Variants in MRPS27 observed in about 807,000 individuals in gnomAD.
MRPS27 encodes the protein small ribosomal subunit protein mS27.
In MRPS27, 43 loss-of-function variants were observed where a neutral mutation model predicts 48.9. The observed-to-expected ratio is 0.88, with a 90% confidence interval of 0.69 to 1.13. MRPS27 has a LOEUF of 1.13. Ranked by LOEUF, MRPS27 falls within the 50% of genes most tolerant of loss-of-function variation. MRPS27 has a pLI of 0.00. For missense variants in MRPS27, 467 were observed against 476.3 expected (o/e 0.98, Z 0.18); for synonymous variants, 188 against 171.9 (o/e 1.09, Z -0.73).
At chr5:72,287,675 A>T (rs1048235581) in intron 4 of MRPS27, among the ~76,000 whole-genome samples, 3 of 152,216 alleles carry the variant, frequency 2.0e-5, no homozygotes, top group Non-Finnish European at 4.4e-5. Flanking sequence ...TTGACAAAAG[A>T]TTCGAACACT....
chr5:72,293,993 C>A (rs1237327199), intron 4 of MRPS27, among the ~76,000 whole-genome samples: 2 of 152,074 alleles, frequency 1.3e-5, no homozygotes, highest in African/African-American at 4.8e-5. Flanking sequence ...TTATCTTTAT[C>A]CTAATGAAGT....
intron 4 of MRPS27, among the ~76,000 whole-genome samples, chr5:72,249,200 T>A (rs913318378): frequency 6.6e-6 from 1 of 152,196 alleles, no homozygotes; most frequent in African/African-American, 2.4e-5. Context: ...AGAGAATAGT[T>A]CTACTTCTAT....
chr5:72,223,702 T>C lies in MRPS27; in HGVS notation c.986A>G (p.Gln329Arg), dbSNP rs1161147125. ...IEETEQSKLP[Q>R]YLERFKALHS... ...ATTCACCTTAAATCGTTCCAGGTATTGAGGAAGCTTGGACTGCTCTGTTTC... is the reference window on the plus strand; with the variant it reads ...ATTCACCTTAAATCGTTCCAGGTATCGAGGAAGCTTGGACTGCTCTGTTTC... Residue 329 changes from glutamine to arginine, a missense_variant, in exon 10 of 11, where the codon CAA becomes CGA. Physicochemically the swap from Gln to Arg is conservative, Grantham distance 43. Transcript: ENST00000261413. 3 of 1,613,922 alleles carry C rather than the reference T, an allele frequency of 1.9e-6. No individual in the cohort carries two copies. In the East Asian group the frequency reaches 6.7e-5, roughly 36 times the overall value.
intron 4 of MRPS27, among the ~76,000 whole-genome samples, chr5:72,259,824 C>T (rs1329109863): frequency 6.6e-6 from 1 of 152,092 alleles, no homozygotes; most frequent in African/African-American, 2.4e-5. Flanking sequence ...GTTACTACCA[C>T]TGTTTTTTGA....
chr5:72,269,059 T>A (rs1169121920), intron 4 of MRPS27, among the ~76,000 whole-genome samples: 1 of 152,220 alleles, frequency 6.6e-6, no homozygotes, highest in East Asian at 1.9e-4. Flanking sequence ...TTTTCCTGTA[T>A]GCTTGCTCTG....
intron 4 of MRPS27, among the ~76,000 whole-genome samples, chr5:72,262,105 A>G (rs1207465845): frequency 6.6e-6 from 1 of 152,234 alleles, no homozygotes; most frequent in Non-Finnish European, 1.5e-5. Flanking sequence ...CTATTAGGGA[A>G]AAACAGTATG....
chr5:72,312,792 T>C (rs1750474650), intron 2 of MRPS27, among the ~76,000 whole-genome samples: 1 of 152,030 alleles, frequency 6.6e-6, no homozygotes, highest in African/African-American at 2.4e-5. Context: ...GGCTAATTTT[T>C]GTATTTTTTA....
chr5:72,229,879 C>A (rs554052716), intron 7 of MRPS27, among the ~76,000 whole-genome samples: 1 of 151,398 alleles, frequency 6.6e-6, no homozygotes, highest in South Asian at 2.1e-4. Flanking sequence ...CCTTTAGTTT[C>A]TTTTCTTTTC....
chr5:72,225,716 G>A (rs1174820340), intron 9 of MRPS27, among the ~76,000 whole-genome samples: 1 of 151,996 alleles, frequency 6.6e-6, no homozygotes, highest in Non-Finnish European at 1.5e-5. Flanking sequence ...GGACTACATG[G>A]TATTACAAAA....
At chr5:72,225,045 C>T (rs1357116570) in intron 9 of MRPS27, among the ~76,000 whole-genome samples, 2 of 152,160 alleles carry the variant, frequency 1.3e-5, no homozygotes, top group Non-Finnish European at 2.9e-5. Flanking sequence ...TGTTAGAATG[C>T]AAAGAATGCA....
chr5:72,272,055 A>T (rs1052739324), intron 4 of MRPS27, among the ~76,000 whole-genome samples: 1 of 152,146 alleles, frequency 6.6e-6, no homozygotes, highest in African/African-American at 2.4e-5. Flanking sequence ...CAAAGTAAGG[A>T]TGGTTGCAAT....
intron 10 of MRPS27, among the ~76,000 whole-genome samples, chr5:72,221,951 A>G (rs1747755228): frequency 6.6e-6 from 1 of 152,108 alleles, no homozygotes; most frequent in African/African-American, 2.4e-5. Flanking sequence ...GTACTCTCTC[A>G]TTAGAGAGAG....
intron 4 of MRPS27, among the ~76,000 whole-genome samples, chr5:72,244,495 A>G (rs1748453334): frequency 6.6e-6 from 1 of 152,150 alleles, no homozygotes; most frequent in South Asian, 2.1e-4. Flanking sequence ...CAAAAGTAGG[A>G]TGCATGTCAC....
intron 4 of MRPS27, among the ~76,000 whole-genome samples, chr5:72,271,502 T>C (rs971719546): frequency 9.9e-5 from 15 of 152,128 alleles, no homozygotes; most frequent in African/African-American, 3.6e-4. Flanking sequence ...CCCGTTCATG[T>C]CAAGAAACAC....
chr5:72,284,404 A>G (rs1051946043), intron 4 of MRPS27, among the ~76,000 whole-genome samples: 1 of 151,914 alleles, frequency 6.6e-6, no homozygotes, highest in African/African-American at 2.4e-5. Context: ...AGCCTGGGCA[A>G]CAGAGTGAGA....
chr5:72,249,046 A>T (rs1322422043), intron 4 of MRPS27, among the ~76,000 whole-genome samples: 1 of 152,250 alleles, frequency 6.6e-6, no homozygotes, highest in African/African-American at 2.4e-5. Context: ...TAGCAAGTAG[A>T]CTGTCCACAT....
intron 4 of MRPS27, chr5:72,241,431 GC>G: frequency 1.9e-6 from 1 of 531,006 alleles, no homozygotes; most frequent in Non-Finnish European, 3.3e-6. Context: ...TCCTTTCTTG[GC>G]CCCCATCAGC....
At chr5:72,256,063 CT>C (rs1230445630) in intron 4 of MRPS27, among the ~76,000 whole-genome samples, 1 of 152,190 alleles carries the variant, frequency 6.6e-6, no homozygotes, top group African/African-American at 2.4e-5. Context: ...TGTTTCTCTC[CT>C]GATCCTGGAA....
intron 5 of MRPS27, among the ~76,000 whole-genome samples, chr5:72,236,613 C>T (rs769171384): frequency 8.5e-5 from 13 of 152,140 alleles, no homozygotes; most frequent in African/African-American, 2.2e-4. Flanking sequence ...AGATTCAAGG[C>T]TGTCATCTTG....
Sources: allele counts gnomAD v4.1 joint callset (sites outside exome capture counted in the v4.1 genomes callset), GRCh38; gene constraint gnomAD v4.1.1; transcripts MANE v1.5; gene names NCBI Gene and HGNC (gene_info 2026-07-23, HGNC 2026-07-21).